NAALADL2: variants seen among roughly 807,000 people sequenced by gnomAD.
NAALADL2 encodes inactive N-acetylated-alpha-linked acidic dipeptidase-like protein 2.
A neutral mutation model predicts 87.2 loss-of-function variants in NAALADL2; 76 were observed. The observed-to-expected ratio is 0.87, with a 90% CI of 0.72 to 1.05. The LOEUF (loss-of-function observed/expected upper bound fraction) is 1.05. NAALADL2 is among the 50% of genes least tolerant of loss of function. NAALADL2 has a pLI of 0.00. For synonymous variants in NAALADL2, 354 were observed against 331.0 expected, an observed-to-expected ratio of 1.07 and a Z score of -0.75; for missense variants, 1,089 against 945.8, an observed-to-expected ratio of 1.15 and a Z score of -1.99.
At position 175,602,232 on chromosome 3, in the gene NAALADL2, G is replaced by A. The variant is rs999920931; in HGVS notation, c.1801-25059G>A. On this transcript the variant is annotated intron_variant, in intron 10 of 13. Transcript: ENST00000454872. Reference sequence around the variant, plus strand: ...AGGTATGATATAGTTTAGTATACAGGTGAATATATATTTATATCCATTTCT... The same window carrying A: ...AGGTATGATATAGTTTAGTATACAGATGAATATATATTTATATCCATTTCT... Among the ~76,000 whole-genome samples the A allele has an allele frequency of 2.0e-5, 3 of 152,150 alleles. No individual in the cohort carries two copies. The South Asian group carries it at 6.2e-4, about 32-fold the overall frequency.
At chr3:175,281,401 A>C (rs1754294975) in intron 4 of NAALADL2, among the ~76,000 whole-genome samples, 1 of 151,874 alleles carries the variant, frequency 6.6e-6, no homozygotes, top group South Asian at 2.1e-4. Flanking sequence ...ACTTTTTCAT[A>C]TCATTCGTTT....
Position 174,617,848 on chromosome 3 carries a change from T to C in NAALADL2, c.-115+67211T>C, listed in dbSNP as rs577271556. 8.6e-5 allele frequency among the ~76,000 whole-genome samples: 13 copies of C among 151,886 alleles called. No homozygotes were observed. In the South Asian group the frequency reaches 2.7e-3, roughly 31 times the overall value. On this transcript the variant is annotated intron_variant, in intron 2 of 3. Transcript: ENST00000434257. ...GGAATTTAAAAATATTTCTGTGTAA[T>C]TATGTTTATATACTTTAAAATGTGA...
chr3:174,677,827 A>C (rs969320470), intron 2 of NAALADL2, among the ~76,000 whole-genome samples: 1 of 152,050 alleles, frequency 6.6e-6, no homozygotes, highest in East Asian at 1.9e-4. Context: ...AATACTAGAC[A>C]GCACTTCAGC....
At chr3:175,581,962 C>T (rs1719848580) in intron 10 of NAALADL2, among the ~76,000 whole-genome samples, 1 of 152,122 alleles carries the variant, frequency 6.6e-6, no homozygotes, top group South Asian at 2.1e-4. Flanking sequence ...ATCCCATTCA[C>T]CTGACAAACA....
chr3:175,793,273 A>T (rs1753022164), intron 13 of NAALADL2, among the ~76,000 whole-genome samples: 1 of 104,998 alleles, frequency 9.5e-6, no homozygotes, highest in African/African-American at 3.2e-5. Flanking sequence ...GGCAAGATTC[A>T]AAAAAAACTT....
At chr3:174,870,891 T>G (rs1453568802) in intron 1 of NAALADL2, among the ~76,000 whole-genome samples, 1 of 152,170 alleles carries the variant, frequency 6.6e-6, no homozygotes, top group Non-Finnish European at 1.5e-5. Context: ...TTTACAAAAA[T>G]TCATATAACT....
intron 9 of NAALADL2, among the ~76,000 whole-genome samples, chr3:175,561,052 G>A (rs1362236696): frequency 6.6e-6 from 1 of 152,120 alleles, no homozygotes; most frequent in Non-Finnish European, 1.5e-5. Flanking sequence ...TTGAAAGGTG[G>A]AAAACTGTCT....
At chr3:174,674,819 G>T (rs1285927739) in intron 2 of NAALADL2, among the ~76,000 whole-genome samples, 2 of 151,712 alleles carry the variant, frequency 1.3e-5, no homozygotes, top group Non-Finnish European at 2.9e-5. Flanking sequence ...TTCATAAAAT[G>T]CTTAAATATG....
chr3:175,115,616 A>G (rs1724992099), intron 2 of NAALADL2, among the ~76,000 whole-genome samples: 2 of 151,696 alleles, frequency 1.3e-5, no homozygotes, highest in Admixed American at 6.6e-5. Context: ...TTAAGAAGCC[A>G]CTTAGAAAGT....
At chr3:174,616,706 A>G (rs978507560) in intron 2 of NAALADL2, among the ~76,000 whole-genome samples, 1 of 151,886 alleles carries the variant, frequency 6.6e-6, no homozygotes, top group African/African-American at 2.4e-5. Flanking sequence ...TGATACTAGT[A>G]TAGCTTACAC....
At chr3:175,351,295 T>G (rs1763737749) in intron 5 of NAALADL2, among the ~76,000 whole-genome samples, 2 of 152,086 alleles carry the variant, frequency 1.3e-5, no homozygotes, top group Non-Finnish European at 1.5e-5. Context: ...TCAAGTAAAT[T>G]GACACTATAT....
intron 10 of NAALADL2, among the ~76,000 whole-genome samples, chr3:175,615,998 C>A (rs1388023842): frequency 2.1e-5 from 3 of 145,788 alleles, no homozygotes; most frequent in Admixed American, 6.9e-5. Flanking sequence ...ATCATATATA[C>A]ATAATTATAA....
chr3:175,370,656 T>G (rs1766363044), intron 5 of NAALADL2, among the ~76,000 whole-genome samples: 1 of 152,230 alleles, frequency 6.6e-6, no homozygotes, highest in Admixed American at 6.5e-5. Flanking sequence ...CCCCTCCAGC[T>G]TTCCACATAG....
At chr3:175,268,371 C>T (rs143653443) in intron 4 of NAALADL2, among the ~76,000 whole-genome samples, 2,110 of 152,160 alleles carry the variant, frequency 0.014, 19 homozygotes, top group Middle Eastern at 0.024. Context: ...GGGCACTTAG[C>T]GTCAGTAGAG....
intron 1 of NAALADL2, among the ~76,000 whole-genome samples, chr3:175,045,391 T>C (rs1051898937): frequency 2.6e-5 from 4 of 152,210 alleles, no homozygotes; most frequent in Non-Finnish European, 4.4e-5. Context: ...TTAAATTGTG[T>C]TTATAATTTT....
intron 2 of NAALADL2, among the ~76,000 whole-genome samples, chr3:175,231,512 T>A (rs951353777): frequency 1.3e-5 from 2 of 152,132 alleles, no homozygotes; most frequent in Non-Finnish European, 2.9e-5. Flanking sequence ...TGGGAAAAAT[T>A]ACTAATTCTT....
Position 175,803,378 on chromosome 3 carries a change from T to C in NAALADL2, c.*175T>C. ...ATATAGAAAGAACATTTTGCACATT[T>C]AATATTTTTCTTATATCTACATTTC... On this transcript the variant is annotated 3_prime_UTR_variant, in exon 14 of 14. Coordinates refer to ENST00000454872, the MANE Select transcript of NAALADL2 (RefSeq NM_207015.3). 1 of 428,516 alleles carries C rather than the reference T, an allele frequency of 2.3e-6. No individual in the cohort carries two copies. Among genetic ancestry groups the C allele is most frequent in the South Asian group, 6.4e-5 (1 of 15,556 alleles). 26.5% of individuals were successfully genotyped at this position (428,516 alleles called of 1,614,324 possible). A position where few individuals can be genotyped will look rare whatever the true frequency, so the allele number is the denominator to read the frequency against.
chr3:174,607,782 C>T (rs535765803), intron 2 of NAALADL2, among the ~76,000 whole-genome samples: 20 of 152,146 alleles, frequency 1.3e-4, no homozygotes, highest in African/African-American at 4.8e-4. Flanking sequence ...ACAAGGATAC[C>T]CAGGAAGTGA....
chr3:174,925,281 C>T (rs1735832724), intron 1 of NAALADL2, among the ~76,000 whole-genome samples: 1 of 152,136 alleles, frequency 6.6e-6, no homozygotes, highest in Admixed American at 6.5e-5. Context: ...TTTCAGCTTT[C>T]TACATATGGC....
Sources: gnomAD v4.1 joint callset for allele counts (sites outside exome capture counted in the v4.1 genomes callset) on GRCh38, gnomAD v4.1.1 for gene constraint, MANE v1.5 for transcripts, NCBI Gene and HGNC (gene_info 2026-07-23, HGNC 2026-07-21) for gene names.